The following SCMH1 variants were observed in gnomAD, a reference collection of about 807,000 sequenced individuals.
The protein encoded by SCMH1 is Scm polycomb group protein homolog 1, also known as polycomb protein SCMH1.
Under a neutral mutation model 70.8 loss-of-function variants are expected in SCMH1, and 37 were observed. The ratio of observed to expected loss-of-function variants is 0.52; its 90% CI spans 0.40 to 0.69. The LOEUF (loss-of-function observed/expected upper bound fraction) is 0.69, where lower values mean the gene tolerates loss of function less well. SCMH1 is among the 30% of genes least tolerant of loss of function. The probability of loss-of-function intolerance (pLI) is 0.00; values close to 1 mark genes in which losing one functional copy is unlikely to be tolerated. For synonymous variants in SCMH1, 292 were observed against 307.4 expected (o/e 0.95, Z 0.52); for missense variants, 607 against 827.3 (o/e 0.73, Z 3.27).
At chr1:41,197,092 T>C (rs1326690191) in intron 1 of SCMH1, among the ~76,000 whole-genome samples, 1 of 152,196 alleles carries the variant, frequency 6.6e-6, no homozygotes, top group Non-Finnish European at 1.5e-5. Flanking sequence ...CATGCATTGC[T>C]GGTGGGAATG....
chr1:41,143,006 C>CCTGT lies in SCMH1; in HGVS notation c.280_283dup (p.Gly95AspfsTer10). 6.2e-7 allele frequency: 1 copy of CCTGT among 1,614,132 alleles called. No homozygotes were observed. Among genetic ancestry groups the CCTGT allele is most frequent in the Non-Finnish European group, 8.5e-7 (1 of 1,180,024 alleles). On this transcript the variant is annotated frameshift_variant, in exon 6 of 15. Coordinates refer to ENST00000337495, the Ensembl canonical transcript of SCMH1. LOFTEE classifies it high-confidence loss of function. ...ATCAAGGCGCAGGCGAAGGCGGGCA[C>CCTGT]CTGTCAGTCCAACTACTGTGGCAAT...
chr1:41,037,895 C>T (rs758633072), intron 12 of SCMH1, among the ~76,000 whole-genome samples: 13 of 152,334 alleles, frequency 8.5e-5, no homozygotes, highest in Non-Finnish European at 1.5e-4. Flanking sequence ...AGCTGGGACA[C>T]ATTGCTTAGA....
At chr1:41,197,378 T>G (rs953300985) in intron 1 of SCMH1, among the ~76,000 whole-genome samples, 1 of 152,196 alleles carries the variant, frequency 6.6e-6, no homozygotes, top group Non-Finnish European at 1.5e-5. Flanking sequence ...AATGCAATTC[T>G]GATAAATGCT....
intron 1 of SCMH1, among the ~76,000 whole-genome samples, chr1:41,194,837 C>G (rs1185296847): frequency 6.6e-6 from 1 of 151,954 alleles, no homozygotes; most frequent in Non-Finnish European, 1.5e-5. Flanking sequence ...AGTTTGCAAA[C>G]CTTTTCTATG....
chr1:41,105,687 C>T (rs1016264092), intron 8 of SCMH1, among the ~76,000 whole-genome samples: 21 of 151,694 alleles, frequency 1.4e-4, no homozygotes, highest in Non-Finnish European at 7.4e-5. Context: ...AAGAATATGC[C>T]CCCCACCCCA....
At chr1:41,238,759 A>G (rs182969621) in intron 1 of SCMH1, among the ~76,000 whole-genome samples, 7 of 152,342 alleles carry the variant, frequency 4.6e-5, no homozygotes, top group Admixed American at 4.6e-4. Context: ...TCCCAATATC[A>G]GACAACTTAA....
intron 12 of SCMH1, 27 bp from the exon 13 acceptor site, chr1:41,037,568 A>G: frequency 1.9e-6 from 3 of 1,605,302 alleles, no homozygotes; most frequent in Non-Finnish European, 2.6e-6. Context: ...CCAGAGTTAG[A>G]GCTTAGAAGG....
intron 8 of SCMH1, among the ~76,000 whole-genome samples, chr1:41,081,349 C>T (rs977156360): frequency 6.6e-6 from 1 of 152,148 alleles, no homozygotes; most frequent in South Asian, 2.1e-4. Flanking sequence ...ATAGAAATCT[C>T]AGCAGTTTCT....
At chr1:41,166,475 A>G (rs1646414958) in intron 2 of SCMH1, among the ~76,000 whole-genome samples, 1 of 152,072 alleles carries the variant, frequency 6.6e-6, no homozygotes, top group South Asian at 2.1e-4. Context: ...CCATCCATAA[A>G]CACTGGGTAT....
At chr1:41,191,731 T>A in intron 1 of SCMH1, among the ~76,000 whole-genome samples, 1 of 152,194 alleles carries the variant, frequency 6.6e-6, no homozygotes, top group East Asian at 1.9e-4. Flanking sequence ...TTAACATGCA[T>A]ACAATATATA....
chr1:41,157,471 A>G (rs1645647453), intron 4 of SCMH1, among the ~76,000 whole-genome samples: 2 of 152,238 alleles, frequency 1.3e-5, no homozygotes, highest in South Asian at 4.1e-4. Context: ...GAAATAAAGC[A>G]TCTAGAGAAA....
chr1:41,151,299 T>C (rs575602546), intron 5 of SCMH1, among the ~76,000 whole-genome samples: 2 of 152,222 alleles, frequency 1.3e-5, no homozygotes, highest in African/African-American at 2.4e-5. Context: ...ACAATGTCTA[T>C]GGACTATAAC....
chr1:41,031,764 T>C (rs919934722), intron 13 of SCMH1, among the ~76,000 whole-genome samples: 2 of 152,206 alleles, frequency 1.3e-5, no homozygotes, highest in Non-Finnish European at 1.5e-5. Flanking sequence ...GTGTCTTTCT[T>C]GGACCACCTT....
At chr1:41,119,952 G>A (rs1671519746) in intron 6 of SCMH1, among the ~76,000 whole-genome samples, 1 of 152,066 alleles carries the variant, frequency 6.6e-6, no homozygotes, top group Non-Finnish European at 1.5e-5. Flanking sequence ...ATTCAAGCGT[G>A]GTGTTTATGT....
At chr1:41,228,830 G>A (rs1000538387) in intron 1 of SCMH1, among the ~76,000 whole-genome samples, 15 of 152,118 alleles carry the variant, frequency 9.9e-5, no homozygotes, top group African/African-American at 2.9e-4. Context: ...TGAAAGCAAC[G>A]TGGAAGATGA....
intron 1 of SCMH1, among the ~76,000 whole-genome samples, chr1:41,196,160 T>A (rs1652969379): frequency 6.6e-6 from 1 of 152,140 alleles, no homozygotes; most frequent in African/African-American, 2.4e-5. Context: ...ATCTACAGAT[T>A]CAACGCAATC....
At chr1:41,225,412 T>C (rs796557119) in intron 1 of SCMH1, among the ~76,000 whole-genome samples, 8 of 152,318 alleles carry the variant, frequency 5.3e-5, no homozygotes, top group African/African-American at 1.7e-4. Context: ...ATTGATGACT[T>C]TCCCAATTTA....
At chr1:41,031,458 G>A (rs778722717) in intron 13 of SCMH1, among the ~76,000 whole-genome samples, 9 of 152,154 alleles carry the variant, frequency 5.9e-5, no homozygotes, top group Non-Finnish European at 8.8e-5. Flanking sequence ...AGTACACTTT[G>A]TCTGGCCTGG....
intron 8 of SCMH1, 40 bp from the exon 9 acceptor site, chr1:41,075,491 C>A: frequency 6.5e-7 from 1 of 1,539,082 alleles, no homozygotes; most frequent in Non-Finnish European, 9.0e-7. Flanking sequence ...TCCCTCCCCC[C>A]TGCATTCTCA....
Sources: allele counts gnomAD v4.1 joint callset (sites outside exome capture counted in the v4.1 genomes callset), GRCh38; gene constraint gnomAD v4.1.1; transcripts MANE v1.5; gene names NCBI Gene and HGNC (gene_info 2026-07-23, HGNC 2026-07-21).